The following FAM171A1 variants were observed in gnomAD, a reference collection of about 807,000 sequenced individuals.
FAM171A1 encodes protein FAM171A1.
A neutral mutation model predicts 74.9 loss-of-function variants in FAM171A1; 23 were observed. The ratio of observed to expected loss-of-function variants is 0.31; its 90% CI spans 0.22 to 0.44. The LOEUF (loss-of-function observed/expected upper bound fraction) is 0.44. FAM171A1 is among the 20% of genes least tolerant of loss of function. The pLI is 1.00. For missense variants in FAM171A1, 1,162 were observed against 1,159.2 expected, an observed-to-expected ratio of 1.00 and a Z score of -0.03; for synonymous variants, 527 against 505.7, an observed-to-expected ratio of 1.04 and a Z score of -0.57.
At chr10:15,244,721 G>A (rs1834409193) in intron 5 of FAM171A1, among the ~76,000 whole-genome samples, 1 of 152,000 alleles carries the variant, frequency 6.6e-6, no homozygotes, top group South Asian at 2.1e-4. Context: ...GCTGGTACCT[G>A]CACAGACTCG....
chr10:15,272,391 A>G (rs1268076814), intron 3 of FAM171A1, among the ~76,000 whole-genome samples: 1 of 152,224 alleles, frequency 6.6e-6, no homozygotes, highest in Non-Finnish European at 1.5e-5. Flanking sequence ...AGATTCATAA[A>G]GCAAGCCTTA....
chr10:15,288,654 G>T (rs1260174787), intron 1 of FAM171A1, among the ~76,000 whole-genome samples: 1 of 152,042 alleles, frequency 6.6e-6, no homozygotes, highest in Non-Finnish European at 1.5e-5. Context: ...GAGAAAGGCG[G>T]AGTTCCACTC....
chr10:15,268,745 G>A (rs886935625), intron 3 of FAM171A1, among the ~76,000 whole-genome samples: 7 of 152,156 alleles, frequency 4.6e-5, no homozygotes, highest in Admixed American at 3.9e-4. Context: ...AAGGGACCAA[G>A]AGATAGAAAG....
At chr10:15,267,832 G>A (rs533812269) in intron 3 of FAM171A1, among the ~76,000 whole-genome samples, 8 of 151,520 alleles carry the variant, frequency 5.3e-5, no homozygotes, top group African/African-American at 1.9e-4. Flanking sequence ...CACGACGGAC[G>A]AAGTGTGGTG....
intron 4 of FAM171A1, 116 bp from the exon 5 acceptor site, chr10:15,248,931 A>G: frequency 2.2e-6 from 2 of 929,616 alleles, no homozygotes; most frequent in East Asian, 2.7e-5. Context: ...CAGGGACTGC[A>G]TGAAGCACTT....
chr10:15,248,724 G>A lies in FAM171A1; in HGVS notation c.669C>T (p.Pro223=). ...TGGCCAGGGGCACAGTGACATAGATGGGACCATCCACCAGCACCGGCGTTC... is the reference window on the plus strand; with the variant it reads ...TGGCCAGGGGCACAGTGACATAGATAGGACCATCCACCAGCACCGGCGTTC... The part of the protein sequence containing the change: ...SNGTPVLVDG[P]IYVTVPLATQ... Residue 223 remains proline (P), a synonymous_variant, in exon 5 of 8, where the codon CCC becomes CCT. Transcript: ENST00000378116. 6 of 1,613,870 alleles carry A rather than the reference G, an allele frequency of 3.7e-6. No individual in the cohort carries two copies. The highest frequency in any genetic ancestry group is 5.1e-6 in the Non-Finnish European group (6 of 1,179,860).
Position 15,297,559 on chromosome 10 carries a change from C to T in FAM171A1, c.98-13454G>A, listed in dbSNP as rs182623487. On this transcript the variant is annotated intron_variant, in intron 1 of 7. Coordinates refer to ENST00000378116, the MANE Select transcript of FAM171A1 (RefSeq NM_001010924.2). ...ATTGATGATCCTCCCATTAACAACA[C>T]TTAACAACCAACAGCACCATGTTGC... Among the ~76,000 whole-genome samples, 741 of 152,276 alleles carry T rather than the reference C, an allele frequency of 4.9e-3. 4 individuals are homozygous for T. Among genetic ancestry groups the T allele is most frequent in the Admixed American group, 0.014 (221 of 15,282 alleles).
chr10:15,318,129 C>G (rs1835444339), intron 1 of FAM171A1, among the ~76,000 whole-genome samples: 2 of 152,128 alleles, frequency 1.3e-5, no homozygotes, highest in Non-Finnish European at 2.9e-5. Flanking sequence ...TATGCAATCA[C>G]AAAATTCTGG....
intron 3 of FAM171A1, among the ~76,000 whole-genome samples, chr10:15,256,249 C>G (rs943654413): frequency 1.3e-5 from 2 of 152,116 alleles, no homozygotes; most frequent in Non-Finnish European, 2.9e-5. Flanking sequence ...AGTGAAGAAG[C>G]CTGTCTAGAC....
At chr10:15,225,824 C>G (rs1026682232) in intron 5 of FAM171A1, among the ~76,000 whole-genome samples, 3 of 152,190 alleles carry the variant, frequency 2.0e-5, no homozygotes, top group African/African-American at 7.2e-5. Flanking sequence ...CAAGGCCTCT[C>G]AAGTCGGCCC....
intron 1 of FAM171A1, among the ~76,000 whole-genome samples, chr10:15,322,024 C>G (rs939285148): frequency 1.3e-5 from 2 of 152,192 alleles, no homozygotes; most frequent in African/African-American, 4.8e-5. Context: ...AAATAAAATT[C>G]TAATGGTTCT....
At position 15,214,125 on chromosome 10, in the gene FAM171A1, C is replaced by G. The variant is rs1253861623; in HGVS notation, c.1463G>C (p.Ser488Thr). The change falls in exon 8 of 8, where the codon AGT (serine) becomes ACT (threonine). Residue 488 changes from serine (S) to threonine (T), a missense_variant. Ser to Thr is a moderately conservative substitution (Grantham distance 58). Coordinates refer to ENST00000378116, the MANE Select transcript of FAM171A1 (RefSeq NM_001010924.2). ...ESSGNDDYRG[S>T]YNTVLSQPLF... is the part of the protein sequence containing the mutation. The stretch of plus-strand genomic sequence containing the variant: ...AGGCTGTGAGAGCACGGTGTTGTAA[C>G]TACCCCTGTAGTCATCATTGCCCGA... The G allele has an allele frequency of 1.2e-6, 2 of 1,614,168 alleles. No homozygotes were observed. The highest frequency in any genetic ancestry group is 1.7e-6 in the Non-Finnish European group (2 of 1,180,022).
chr10:15,322,908 G>T (rs4750620), intron 1 of FAM171A1, among the ~76,000 whole-genome samples: 1 of 151,986 alleles, frequency 6.6e-6, no homozygotes, highest in African/African-American at 2.4e-5. Flanking sequence ...GGGAGGCCCA[G>T]GTGGGTGGAT....
At chr10:15,370,885 C>T (rs1836135578) in intron 1 of FAM171A1, 71 bp downstream of exon 1, 8 of 789,896 alleles carry the variant, frequency 1.0e-5, no homozygotes, top group Non-Finnish European at 1.2e-5. Flanking sequence ...CCGCCGCCGC[C>T]GCCGCCGCCG....
chr10:15,310,230 A>T (rs994794427), intron 1 of FAM171A1, among the ~76,000 whole-genome samples: 3 of 152,214 alleles, frequency 2.0e-5, no homozygotes, highest in African/African-American at 7.2e-5. Context: ...AAAATTTTTT[A>T]AAATCCCTAA....
At chr10:15,372,144 T>C (rs79831877), upstream of FAM171A1, among the ~76,000 whole-genome samples, 3,885 of 152,128 alleles carry the variant, frequency 0.026, 72 homozygotes, top group Non-Finnish European at 0.038. Context: ...TGAAAGCAGA[T>C]TTTACAAGGA....
At chr10:15,223,365 C>A (rs1834064103) in intron 5 of FAM171A1, among the ~76,000 whole-genome samples, 1 of 152,208 alleles carries the variant, frequency 6.6e-6, no homozygotes, top group Non-Finnish European at 1.5e-5. Context: ...CTCTCTGCAT[C>A]AGCCAGGAAA....
At chr10:15,372,681 AGACT>A (rs971616735), upstream of FAM171A1, among the ~76,000 whole-genome samples, 1 of 144,308 alleles carries the variant, frequency 6.9e-6, no homozygotes, top group African/African-American at 2.6e-5. Flanking sequence ...CCTGGATGAC[AGACT>A]GAGACCCCGT....
In FAM171A1 at chr10:15,334,524, T is replaced by C. The variant is rs189263407; in HGVS notation, c.97+36432A>G. On this transcript the variant is annotated intron_variant, in intron 1 of 7. Coordinates refer to ENST00000378116, the MANE Select transcript of FAM171A1 (RefSeq NM_001010924.2). ...GTGCTTGCAGAACATTCACGCTATA[T>C]TGAAAGAAGCCAAACAAAAGAAAGA... Among the ~76,000 whole-genome samples the C allele has an allele frequency of 4.5e-3, 684 of 152,328 alleles. 7 individuals carry two copies. Among genetic ancestry groups the C allele is most frequent in the Non-Finnish European group, 7.1e-3 (482 of 68,034 alleles).
Sources: allele counts gnomAD v4.1 joint callset (sites outside exome capture counted in the v4.1 genomes callset), GRCh38; gene constraint gnomAD v4.1.1; transcripts MANE v1.5; gene names NCBI Gene and HGNC (gene_info 2026-07-23, HGNC 2026-07-21).